Variants in ASIC2 observed in about 807,000 individuals in gnomAD.
ASIC2 encodes the protein acid sensing ion channel subunit 2.
In ASIC2, 25 loss-of-function variants were observed where a neutral mutation model predicts 57.3. The observed-to-expected ratio is 0.44, with a 90% confidence interval of 0.32 to 0.61. The LOEUF (loss-of-function observed/expected upper bound fraction) is 0.61, where lower values mean the gene tolerates loss of function less well. Ranked by LOEUF, ASIC2 falls within the 20% of genes least tolerant of loss-of-function variation. ASIC2 has a pLI of 0.06. For synonymous variants in ASIC2, 319 were observed against 307.5 expected (o/e 1.04, Z -0.39); for missense variants, 641 against 738.1 (o/e 0.87, Z 1.52).
chr17:33,488,929 C>A (rs1276613838), intron 1 of ASIC2, among the ~76,000 whole-genome samples: 1 of 152,040 alleles, frequency 6.6e-6, no homozygotes, highest in African/African-American at 2.4e-5. Flanking sequence ...CTGAGTTCCC[C>A]GAGACTCTTC....
chr17:33,506,238 C>CAA (rs533194191), intron 1 of ASIC2, among the ~76,000 whole-genome samples: 3 of 114,136 alleles, frequency 2.6e-5, no homozygotes, highest in South Asian at 2.9e-4. Flanking sequence ...ACTAAAAATA[C>CAA]AAAAAAAAAA....
chr17:34,053,974 C>A (rs1342263900), intron 1 of ASIC2, among the ~76,000 whole-genome samples: 2 of 152,210 alleles, frequency 1.3e-5, no homozygotes, highest in Non-Finnish European at 2.9e-5. Flanking sequence ...TCTTTGTTTT[C>A]CCCAGCATAA....
intron 1 of ASIC2, among the ~76,000 whole-genome samples, chr17:33,871,445 C>T (rs1450661680): frequency 6.6e-6 from 1 of 152,186 alleles, no homozygotes; most frequent in Non-Finnish European, 1.5e-5. Flanking sequence ...TCTCCCTGCT[C>T]ATCTTCACTT....
chr17:33,616,656 G>A (rs565657093), intron 1 of ASIC2, among the ~76,000 whole-genome samples: 36 of 137,066 alleles, frequency 2.6e-4, no homozygotes, highest in Admixed American at 7.1e-4. Context: ...GTATCATCTC[G>A]CTTTTCTAAA....
At chr17:33,232,616 G>C (rs577492915) in intron 1 of ASIC2, among the ~76,000 whole-genome samples, 7 of 151,994 alleles carry the variant, frequency 4.6e-5, no homozygotes, top group African/African-American at 1.5e-4. Flanking sequence ...CTACAACTTC[G>C]GGCTGCAAAT....
At chr17:33,139,618 G>A (rs1454648180) in intron 1 of ASIC2, among the ~76,000 whole-genome samples, 1 of 152,144 alleles carries the variant, frequency 6.6e-6, no homozygotes, top group East Asian at 1.9e-4. Context: ...GCTCTCTGCT[G>A]GTTTGTTGCT....
intron 1 of ASIC2, chr17:33,935,979 G>A (rs1238915570): frequency 1.3e-5 from 2 of 152,222 alleles, no homozygotes; most frequent in African/African-American, 4.8e-5. Flanking sequence ...ATCTCAGGCT[G>A]TGTGATACTG....
chr17:33,051,565 T>C (rs1327167258), intron 3 of ASIC2, among the ~76,000 whole-genome samples: 1 of 152,178 alleles, frequency 6.6e-6, no homozygotes, highest in Non-Finnish European at 1.5e-5. Flanking sequence ...ATCTGGGGAC[T>C]GAGTTGAGGT....
chr17:33,368,922 C>G (rs17184825), intron 1 of ASIC2, among the ~76,000 whole-genome samples: 5,572 of 152,242 alleles, frequency 0.037, 139 homozygotes, highest in Non-Finnish European at 0.057. Context: ...AGGCAATGTC[C>G]TTGTTGGGAA....
intron 1 of ASIC2, among the ~76,000 whole-genome samples, chr17:33,926,720 T>C (rs1051077068): frequency 1.3e-5 from 2 of 152,220 alleles, no homozygotes; most frequent in African/African-American, 4.8e-5. Context: ...GGAAAAATCA[T>C]GTATTCGGGG....
chr17:33,513,223 C>T (rs1914477870), intron 1 of ASIC2, among the ~76,000 whole-genome samples: 1 of 152,166 alleles, frequency 6.6e-6, no homozygotes, highest in Non-Finnish European at 1.5e-5. Context: ...CTTTTATTTT[C>T]ATTAAATCAC....
intron 1 of ASIC2, among the ~76,000 whole-genome samples, chr17:33,183,319 A>G (rs1906060553): frequency 6.6e-6 from 1 of 152,244 alleles, no homozygotes; most frequent in African/African-American, 2.4e-5. Flanking sequence ...TAAATTACCA[A>G]CTAAGATATA....
chr17:33,604,917 T>A (rs553242302), intron 1 of ASIC2, among the ~76,000 whole-genome samples: 1 of 152,270 alleles, frequency 6.6e-6, no homozygotes, highest in African/African-American at 2.4e-5. Flanking sequence ...ACAAAGCTAG[T>A]TAGAATCAGA....
chr17:33,769,228 A>T (rs955547657), intron 1 of ASIC2, among the ~76,000 whole-genome samples: 4 of 152,192 alleles, frequency 2.6e-5, no homozygotes, highest in African/African-American at 4.8e-5. Flanking sequence ...GAACTGAAAG[A>T]ACTAATTAGC....
At chr17:33,307,629 C>A (rs912977421) in intron 1 of ASIC2, among the ~76,000 whole-genome samples, 3 of 152,166 alleles carry the variant, frequency 2.0e-5, no homozygotes, top group African/African-American at 7.2e-5. Context: ...TCTTCTTAGA[C>A]CTTGCTCAAC....
intron 1 of ASIC2, among the ~76,000 whole-genome samples, chr17:33,720,830 T>A (rs34397155): frequency 0.021 from 3,126 of 152,276 alleles, 49 homozygotes; most frequent in Non-Finnish European, 0.029. Context: ...CTTGCTTGGA[T>A]CGTTGTCTGT....
intron 1 of ASIC2, among the ~76,000 whole-genome samples, chr17:33,643,847 T>C (rs1906657892): frequency 6.6e-6 from 1 of 152,160 alleles, no homozygotes; most frequent in African/African-American, 2.4e-5. Context: ...AATCATGGCA[T>C]TGGTGATAAT....
At chr17:33,348,623 A>G (rs1289983009) in intron 1 of ASIC2, among the ~76,000 whole-genome samples, 4 of 152,090 alleles carry the variant, frequency 2.6e-5, no homozygotes, top group Non-Finnish European at 4.4e-5. Context: ...ATTAGGGTGC[A>G]TGGAGCAGTG....
intron 2 of ASIC2, among the ~76,000 whole-genome samples, chr17:33,090,124 G>A (rs1042989229): frequency 6.6e-5 from 10 of 152,244 alleles, no homozygotes; most frequent in Non-Finnish European, 1.3e-4. Flanking sequence ...CCTGGATTGG[G>A]CATCACTGGT....
Sources: gnomAD v4.1 joint callset for allele counts (sites outside exome capture counted in the v4.1 genomes callset) on GRCh38, gnomAD v4.1.1 for gene constraint, MANE v1.5 for transcripts, NCBI Gene and HGNC (gene_info 2026-07-23, HGNC 2026-07-21) for gene names.